Variants in PUDP observed in about 807,000 individuals in gnomAD.
PUDP encodes pseudouridine-5'-phosphatase.
In PUDP, 8 loss-of-function variants were observed where a neutral mutation model predicts 9.4. The ratio of observed to expected loss-of-function variants is 0.85; its 90% CI spans 0.50 to 1.53. PUDP has a LOEUF of 1.53. PUDP is among the 40% of genes most tolerant of loss of function. The probability of loss-of-function intolerance (pLI) is 0.00; values close to 1 mark genes in which losing one functional copy is unlikely to be tolerated. For missense variants in PUDP, 188 were observed against 189.7 expected (o/e 0.99, Z 0.05); for synonymous variants, 99 against 80.7 (o/e 1.23, Z -1.22).
chrX:6,719,263 G>A (rs1444465160), intron 1 of PUDP, among the ~76,000 whole-genome samples: 6 of 111,734 alleles, frequency 5.4e-5, no homozygotes, highest in Non-Finnish European at 9.4e-5. Context: ...ACACAAGTCT[G>A]TGTCCCAAAC....
intron 3 of PUDP, among the ~76,000 whole-genome samples, chrX:6,941,676 A>G (rs1046266741): frequency 2.4e-4 from 22 of 91,936 alleles, no homozygotes; most frequent in Non-Finnish European, 4.6e-4. Context: ...AATAAGAACA[A>G]AACTTGGGAT....
chrX:6,707,609 G>T (rs781626590), intron 1 of PUDP, among the ~76,000 whole-genome samples: 2 of 110,848 alleles, frequency 1.8e-5, no homozygotes, highest in South Asian at 7.8e-4. Context: ...AACAGGGTTC[G>T]CACTCCTATG....
chrX:7,146,828 C>A (rs1165406358), intron 1 of PUDP, among the ~76,000 whole-genome samples: 2 of 87,370 alleles, frequency 2.3e-5, no homozygotes, highest in African/African-American at 8.9e-5. Context: ...CCTCTCTGAG[C>A]TGCAGGGTTT....
chrX:7,108,144 C>T (rs1192024275), intron 1 of PUDP, among the ~76,000 whole-genome samples: 1 of 112,653 alleles, frequency 8.9e-6, no homozygotes, highest in Admixed American at 9.3e-5. Context: ...TTCCGTGTGG[C>T]CCTGTATCAT....
intron 3 of PUDP, among the ~76,000 whole-genome samples, chrX:6,799,358 T>C (rs1472134434): frequency 5.4e-5 from 6 of 111,978 alleles, no homozygotes; most frequent in Admixed American, 3.8e-4. Flanking sequence ...AAAATACTCT[T>C]GGCTAAACCT....
chrX:6,984,484 T>C (rs763468573), intron 1 of PUDP, among the ~76,000 whole-genome samples: 7 of 111,519 alleles, frequency 6.3e-5, no homozygotes, highest in Non-Finnish European at 1.3e-4. Context: ...TACAAAAAAA[T>C]TAAATGGGGA....
At chrX:6,777,973 T>C (rs1925492922) in intron 3 of PUDP, among the ~76,000 whole-genome samples, 1 of 112,116 alleles carries the variant, frequency 8.9e-6, no homozygotes, top group Non-Finnish European at 1.9e-5. Flanking sequence ...ATAGTGCTGC[T>C]TTAATAGCTT....
intron 1 of PUDP, among the ~76,000 whole-genome samples, chrX:7,123,565 C>T (rs1261384332): frequency 1.8e-5 from 2 of 111,550 alleles, no homozygotes; most frequent in Admixed American, 9.5e-5. Flanking sequence ...AGATTAAAAA[C>T]GCCAATTAAA....
At chrX:6,799,142 G>A (rs1297116028) in intron 3 of PUDP, among the ~76,000 whole-genome samples, 1 of 111,917 alleles carries the variant, frequency 8.9e-6, no homozygotes, top group Non-Finnish European at 1.9e-5. Flanking sequence ...TATGATATGT[G>A]GTTAACTGCT....
At chrX:7,064,035 C>T (rs1024542309) in intron 3 of PUDP, among the ~76,000 whole-genome samples, 2 of 111,973 alleles carry the variant, frequency 1.8e-5, no homozygotes, top group Non-Finnish European at 1.9e-5. Flanking sequence ...TGAATGGCTG[C>T]GTAATTCATC....
rs765353311 is a variant in PUDP, at chrX:6,862,143, C to T, written c.*247+114990G>A. ...CTTGATATATTTATTTAGAGGTCTC[C>T]CTTTTAAGGATTCAGAATGCCAAAC... On this transcript the variant is annotated intron_variant and NMD_transcript_variant, in intron 3 of 3. Transcript: ENST00000655425. Among the ~76,000 whole-genome samples, 3 of 111,812 alleles carry T rather than the reference C, an allele frequency of 2.7e-5. No homozygotes were observed. In the South Asian group the frequency reaches 1.1e-3, roughly 42 times the overall value.
chrX:6,933,595 G>A lies in PUDP; in HGVS notation c.*247+43538C>T, dbSNP rs765716652. ...CAGAGCGCCTCTCCTCCAAAGGAAC[G>A]CAGTTCCTCACCAGCAATGGAACAA... On this transcript the variant is annotated intron_variant and NMD_transcript_variant, in intron 3 of 3. Coordinates refer to the PUDP transcript ENST00000655425. Among the ~76,000 whole-genome samples, 12 of 112,133 alleles carry A rather than the reference G, an allele frequency of 1.1e-4. No homozygotes were observed. The Admixed American group carries it at 1.1e-3, about 11-fold the overall frequency.
At chrX:6,801,557 T>A (rs1248307487) in intron 3 of PUDP, among the ~76,000 whole-genome samples, 1 of 111,126 alleles carries the variant, frequency 9.0e-6, no homozygotes, top group Non-Finnish European at 1.9e-5. Context: ...ATATAACCAG[T>A]CAGAGGTCAG....
intron 3 of PUDP, among the ~76,000 whole-genome samples, chrX:6,825,994 AT>A (rs113605688): frequency 6.0e-4 from 67 of 111,833 alleles, no homozygotes; most frequent in African/African-American, 1.7e-3. Context: ...ATACTAAGAA[AT>A]TTTTTTTAAC....
chrX:6,797,713 C>T (rs780838119), intron 3 of PUDP, among the ~76,000 whole-genome samples: 6 of 112,007 alleles, frequency 5.4e-5, no homozygotes, highest in Non-Finnish European at 1.1e-4. Context: ...TCATGAGATG[C>T]CTGAGCCAGA....
chrX:7,091,330 T>G (rs1931414684), intron 2 of PUDP, among the ~76,000 whole-genome samples: 3 of 111,378 alleles, frequency 2.7e-5, no homozygotes, highest in African/African-American at 9.8e-5. Flanking sequence ...GAAGGCACAT[T>G]TAACTGGACT....
chrX:6,916,716 A>G (rs1602672024), intron 3 of PUDP, among the ~76,000 whole-genome samples: 1 of 111,640 alleles, frequency 9.0e-6, no homozygotes, highest in Non-Finnish European at 1.9e-5. Flanking sequence ...TGGGGTGACT[A>G]AACTAACCCT....
chrX:7,012,121 C>G (rs1929485395), intron 1 of PUDP, among the ~76,000 whole-genome samples: 1 of 111,471 alleles, frequency 9.0e-6, no homozygotes, highest in East Asian at 2.8e-4. Flanking sequence ...TATTTCTGAC[C>G]CTACTTCTAA....
At chrX:6,754,020 C>T (rs892208877) in intron 3 of PUDP, among the ~76,000 whole-genome samples, 1 of 111,657 alleles carries the variant, frequency 9.0e-6, no homozygotes, top group Non-Finnish European at 1.9e-5. Flanking sequence ...ATTGCATGTG[C>T]TTTTGAGTTC....
Sources: gnomAD v4.1 joint callset for allele counts (sites outside exome capture counted in the v4.1 genomes callset) on GRCh38, gnomAD v4.1.1 for gene constraint, MANE v1.5 for transcripts, NCBI Gene and HGNC (gene_info 2026-07-23, HGNC 2026-07-21) for gene names.